Variants in EPB41L2 observed in about 807,000 individuals in gnomAD.
The protein encoded by EPB41L2 is band 4.1-like protein 2.
In EPB41L2, 43 loss-of-function variants were observed where a neutral mutation model predicts 113.0. The observed-to-expected ratio is 0.38, with a 90% CI of 0.30 to 0.49. The LOEUF (loss-of-function observed/expected upper bound fraction) is 0.49. Among genes scored for constraint, EPB41L2 ranks in the 20% least tolerant of loss-of-function variants. EPB41L2 has a pLI of 0.95. For missense variants in EPB41L2, 1,147 were observed against 1,223.4 expected (o/e 0.94, Z 0.93); for synonymous variants, 442 against 436.7 (o/e 1.01, Z -0.15).
Position 130,876,592 on chromosome 6 carries a change from A to G in EPB41L2, c.2043+1512T>C, listed in dbSNP as rs1044493763. On this transcript the variant is annotated intron_variant, in intron 14 of 19. Transcript: ENST00000337057. Reference sequence around the variant, plus strand: ...AAAATTTTAGTATGACACACAGGAAAAAAGAAATCTTATGGCTGTGGATAG... The same window carrying G: ...AAAATTTTAGTATGACACACAGGAAGAAAGAAATCTTATGGCTGTGGATAG... 1.3e-5 allele frequency: 12 copies of G among 893,658 alleles called. No individual in the cohort carries two copies. The African/African-American group carries it at 1.8e-4, about 13-fold the overall frequency. 55.4% of individuals were successfully genotyped at this position (893,658 alleles called of 1,614,324 possible).
At chr6:131,019,417 T>C (rs2128736401) in intron 1 of EPB41L2, among the ~76,000 whole-genome samples, 1 of 152,320 alleles carries the variant, frequency 6.6e-6, no homozygotes, top group East Asian at 1.9e-4. Flanking sequence ...TTTCTATTCT[T>C]GTCATATTGT....
intron 1 of EPB41L2, among the ~76,000 whole-genome samples, chr6:131,043,119 C>T (rs1370380988): frequency 5.3e-5 from 8 of 151,816 alleles, no homozygotes; most frequent in African/African-American, 1.5e-4. Flanking sequence ...GTAAACATGG[C>T]AAAACCCTGT....
chr6:130,974,400 C>T (rs1267823660), intron 1 of EPB41L2, among the ~76,000 whole-genome samples: 4 of 152,116 alleles, frequency 2.6e-5, no homozygotes, highest in Non-Finnish European at 4.4e-5. Context: ...AAGATGCCTA[C>T]TTCTTAGCTA....
At chr6:130,852,290 A>C (rs1778983180) in intron 19 of EPB41L2, among the ~76,000 whole-genome samples, 1 of 152,154 alleles carries the variant, frequency 6.6e-6, no homozygotes, top group African/African-American at 2.4e-5. Flanking sequence ...CTGCTATCCT[A>C]TGCTCCCTCT....
At chr6:130,990,126 G>A (rs1329040227) in intron 1 of EPB41L2, among the ~76,000 whole-genome samples, 2 of 152,288 alleles carry the variant, frequency 1.3e-5, no homozygotes, top group Admixed American at 6.5e-5. Context: ...TTTAAGACCA[G>A]CCTGGCTAAA....
At chr6:130,917,771 C>T (rs1349517146) in intron 4 of EPB41L2, among the ~76,000 whole-genome samples, 1 of 152,066 alleles carries the variant, frequency 6.6e-6, no homozygotes, top group Non-Finnish European at 1.5e-5. Context: ...TTCCTTTCCC[C>T]CCAAAAAAAT....
rs748067763 is a variant in EPB41L2 at position 130,894,323 on chromosome 6, G to A, written c.1487+21C>T. 4.9e-5 allele frequency: 79 copies of A among 1,598,274 alleles called. No individual in the cohort carries two copies. In the African/African-American group the frequency reaches 5.1e-4, roughly 10 times the overall value. Reference sequence around the variant, plus strand: ...GCATGTGCGATCATGCCCGGCTTCCGAGCTGTTTTCCTAAAATTACCTGTA... The same window carrying A: ...GCATGTGCGATCATGCCCGGCTTCCAAGCTGTTTTCCTAAAATTACCTGTA... On this transcript the variant is annotated intron_variant, in intron 10 of 19. Transcript: ENST00000337057.
chr6:131,008,561 A>G (rs1446254360), intron 1 of EPB41L2, among the ~76,000 whole-genome samples: 3 of 152,342 alleles, frequency 2.0e-5, no homozygotes, highest in African/African-American at 7.2e-5. Flanking sequence ...TCCAGACCCC[A>G]GAACGGTAGA....
chr6:130,939,324 G>C (rs1010870165), intron 3 of EPB41L2, among the ~76,000 whole-genome samples: 1 of 150,992 alleles, frequency 6.6e-6, no homozygotes, highest in Admixed American at 6.6e-5. Context: ...TGTGATCACC[G>C]CTCACTACAA....
In EPB41L2 at chr6:130,869,741, A is replaced by G. The variant is rs975821914; in HGVS notation, c.2429T>C (p.Val810Ala). 3 of 1,613,918 alleles carry G rather than the reference A, an allele frequency of 1.9e-6. No individual in the cohort carries two copies. Among genetic ancestry groups the G allele is most frequent in the African/African-American group, 1.3e-5 (1 of 74,922 alleles). Reference sequence around the variant, plus strand: ...TACATTTTCCTGGATCACTGTTTCTACTGTGATTACACTGGCACCTGCTTG... The same window carrying G: ...TACATTTTCCTGGATCACTGTTTCTGCTGTGATTACACTGGCACCTGCTTG... Reference protein sequence around the residue: ...VTQAGASVITVETVIQENVGA... With the variant: ...VTQAGASVITAETVIQENVGA... The change falls in exon 15 of 20, where the codon GTA becomes GCA. Residue 810 changes from valine to alanine, a missense_variant. By Grantham distance (64) the Val-to-Ala change is moderately conservative. Coordinates refer to ENST00000337057, the MANE Select transcript of EPB41L2 (RefSeq NM_001431.4).
intron 19 of EPB41L2, among the ~76,000 whole-genome samples, chr6:130,852,089 T>G (rs1422163451): frequency 6.6e-6 from 1 of 152,204 alleles, no homozygotes; most frequent in Non-Finnish European, 1.5e-5. Flanking sequence ...TTCTCATTTT[T>G]ATTGGACTCT....
chr6:131,034,702 A>G (rs974992266), intron 1 of EPB41L2, among the ~76,000 whole-genome samples: 2 of 152,190 alleles, frequency 1.3e-5, no homozygotes, highest in Non-Finnish European at 2.9e-5. Context: ...AAGTAATGGC[A>G]TTCATTTTAA....
At chr6:130,859,876 T>A (rs149245126) in intron 18 of EPB41L2, among the ~76,000 whole-genome samples, 1 of 151,756 alleles carries the variant, frequency 6.6e-6, no homozygotes, top group African/African-American at 2.4e-5. Context: ...GTTGGGACAA[T>A]AGAGAAATAA....
chr6:130,898,803 A>C (rs898700745), intron 8 of EPB41L2, among the ~76,000 whole-genome samples: 2 of 152,200 alleles, frequency 1.3e-5, no homozygotes, highest in Non-Finnish European at 2.9e-5. Flanking sequence ...TTAAAAACGT[A>C]AATAAATGTC....
At chr6:131,050,944 G>A (rs141569978) in intron 1 of EPB41L2, among the ~76,000 whole-genome samples, 102 of 152,248 alleles carry the variant, frequency 6.7e-4, no homozygotes, top group South Asian at 1.9e-3. Context: ...TCTAAAGACA[G>A]ACAAACCAAG....
At chr6:130,844,303 C>A (rs1776346063) in intron 19 of EPB41L2, among the ~76,000 whole-genome samples, 1 of 152,156 alleles carries the variant, frequency 6.6e-6, no homozygotes, top group Admixed American at 6.5e-5. Context: ...TGGCTGACGC[C>A]TGTAATCCCA....
At chr6:131,047,406 C>T (rs1412107578) in intron 1 of EPB41L2, among the ~76,000 whole-genome samples, 1 of 152,102 alleles carries the variant, frequency 6.6e-6, no homozygotes, top group Non-Finnish European at 1.5e-5. Flanking sequence ...ATATTAAGTA[C>T]TCAAAACATG....
chr6:130,886,124 G>A (rs937752598), intron 11 of EPB41L2, among the ~76,000 whole-genome samples: 5 of 152,018 alleles, frequency 3.3e-5, no homozygotes, highest in East Asian at 1.9e-4. Flanking sequence ...AGTACTCTAC[G>A]GACACCATGA....
At chr6:130,911,926 A>G (rs1799539690) in intron 4 of EPB41L2, among the ~76,000 whole-genome samples, 1 of 152,150 alleles carries the variant, frequency 6.6e-6, no homozygotes, top group Admixed American at 6.5e-5. Flanking sequence ...ACGGACTGGT[A>G]CCGATCGTGG....
Sources: gnomAD v4.1 joint callset for allele counts (sites outside exome capture counted in the v4.1 genomes callset) on GRCh38, gnomAD v4.1.1 for gene constraint, MANE v1.5 for transcripts, NCBI Gene and HGNC (gene_info 2026-07-23, HGNC 2026-07-21) for gene names.